CREB5: variants seen among roughly 807,000 people sequenced by gnomAD.
CREB5 encodes cyclic AMP-responsive element-binding protein 5.
Under a neutral mutation model 57.1 loss-of-function variants are expected in CREB5, and 19 were observed. The observed-to-expected ratio is 0.33, with a 90% CI of 0.23 to 0.49. CREB5 has a LOEUF of 0.49. Ranked by LOEUF, CREB5 falls within the 20% of genes least tolerant of loss-of-function variation. CREB5 has a pLI of 0.99. For synonymous variants in CREB5, 238 were observed against 238.3 expected (o/e 1.00, Z 0.01); for missense variants, 579 against 671.6 (o/e 0.86, Z 1.52).
intron 7 of CREB5, among the ~76,000 whole-genome samples, chr7:28,727,748 CT>C (rs1392192591): frequency 6.6e-6 from 1 of 152,120 alleles, no homozygotes; most frequent in Non-Finnish European, 1.5e-5. Context: ...GTGGCTACTA[CT>C]GTATAGGACT....
chr7:28,533,169 G>A (rs1423602825), intron 4 of CREB5, among the ~76,000 whole-genome samples: 12 of 152,038 alleles, frequency 7.9e-5, no homozygotes, highest in Non-Finnish European at 1.0e-4. Context: ...TCGTACCATT[G>A]CACTCCAGCC....
chr7:28,689,449 C>T (rs1022303527), intron 5 of CREB5, among the ~76,000 whole-genome samples: 1 of 152,098 alleles, frequency 6.6e-6, no homozygotes, highest in Non-Finnish European at 1.5e-5. Context: ...GCCTGGGCGA[C>T]AAAGCGAGAC....
chr7:28,531,077 G>C (rs1309555644), intron 4 of CREB5, among the ~76,000 whole-genome samples: 1 of 152,112 alleles, frequency 6.6e-6, no homozygotes, highest in Non-Finnish European at 1.5e-5. Flanking sequence ...GCGGGGAAGA[G>C]GCACAATATA....
chr7:28,420,579 G>A (rs1396004643), intron 1 of CREB5, among the ~76,000 whole-genome samples: 2 of 152,154 alleles, frequency 1.3e-5, no homozygotes, highest in Non-Finnish European at 2.9e-5. Context: ...GGCCAAGGCA[G>A]GAGGATCACT....
intron 5 of CREB5, among the ~76,000 whole-genome samples, chr7:28,600,195 C>T (rs1253693911): frequency 2.0e-5 from 3 of 152,136 alleles, no homozygotes; most frequent in African/African-American, 7.2e-5. Flanking sequence ...ACACTTACCT[C>T]TCCTTGAGCT....
At chr7:28,642,985 C>CACAT (rs1562544740) in intron 5 of CREB5, among the ~76,000 whole-genome samples, 1 of 108,584 alleles carries the variant, frequency 9.2e-6, no homozygotes, top group Non-Finnish European at 2.0e-5. Flanking sequence ...CACACACACA[C>CACAT]ATACACACAC....
At chr7:28,421,856 TCTATATATACC>T (rs143594318) in intron 1 of CREB5, among the ~76,000 whole-genome samples, 122,864 of 142,158 alleles carry the variant, frequency 0.86, 52,409 homozygotes, top group Non-Finnish European at 0.91. Flanking sequence ...ACTCTCTCTC[TCTATATATACC>T]ATATATATGG....
At chr7:28,367,836 CA>C (rs561630720) in intron 1 of CREB5, among the ~76,000 whole-genome samples, 120 of 152,138 alleles carry the variant, frequency 7.9e-4, no homozygotes, top group African/African-American at 2.9e-3. Context: ...AACAAACAAA[CA>C]AACAAAAAAC....
chr7:28,527,808 A>C (rs976907508), intron 4 of CREB5, among the ~76,000 whole-genome samples: 15 of 152,102 alleles, frequency 9.9e-5, no homozygotes, highest in African/African-American at 3.6e-4. Context: ...ACAGAGAGAG[A>C]TCCTGTCTCA....
chr7:28,631,566 G>A (rs1470237487), intron 5 of CREB5, among the ~76,000 whole-genome samples: 2 of 152,064 alleles, frequency 1.3e-5, no homozygotes, highest in African/African-American at 4.8e-5. Context: ...GGAGGGGGCG[G>A]CAGAGGGGAT....
At chr7:28,482,237 T>C (rs1791362877) in intron 1 of CREB5, among the ~76,000 whole-genome samples, 1 of 152,220 alleles carries the variant, frequency 6.6e-6, no homozygotes, top group South Asian at 2.1e-4. Context: ...GCTAGCCACA[T>C]GTGGGGATAA....
intron 1 of CREB5, among the ~76,000 whole-genome samples, chr7:28,379,140 AAAATT>A (rs1351780686): frequency 3.3e-5 from 5 of 152,246 alleles, no homozygotes; most frequent in Non-Finnish European, 5.9e-5. Context: ...GTGTGGTTGA[AAAATT>A]AAATTTATAT....
rs561544850 is a variant in CREB5 at position 28,368,307 on chromosome 7, T to G, written c.-25+68866T>G. Among the ~76,000 whole-genome samples the G allele has an allele frequency of 3.3e-5, 5 of 152,206 alleles. No homozygotes were observed. The South Asian group carries it at 8.3e-4, about 25-fold the overall frequency. ...GTACAGTATTCGGGTGACAAGTACA[T>G]GGAAAGCCCAAATTTCAACGCTATA... On this transcript the variant is annotated intron_variant, in intron 1 of 9. Coordinates refer to the CREB5 transcript ENST00000396299.
At chr7:28,378,908 C>A (rs1786901506) in intron 1 of CREB5, among the ~76,000 whole-genome samples, 1 of 152,234 alleles carries the variant, frequency 6.6e-6, no homozygotes, top group Admixed American at 6.5e-5. Context: ...TTCCCCCAAT[C>A]TTCCTGACCC....
intron 1 of CREB5, among the ~76,000 whole-genome samples, chr7:28,307,374 C>T (rs1450649765): frequency 6.6e-6 from 1 of 152,214 alleles, no homozygotes; most frequent in East Asian, 1.9e-4. Flanking sequence ...TCCCTCCCAG[C>T]ATGTGAGGAC....
At chr7:28,769,460 C>T (rs116996636) in intron 7 of CREB5, among the ~76,000 whole-genome samples, 3,627 of 152,080 alleles carry the variant, frequency 0.024, 70 homozygotes, top group Non-Finnish European at 0.041. Context: ...CCCATAAATA[C>T]GTATAATTAT....
At chr7:28,644,344 C>G (rs1221921868) in intron 5 of CREB5, among the ~76,000 whole-genome samples, 2 of 152,106 alleles carry the variant, frequency 1.3e-5, no homozygotes, top group Non-Finnish European at 2.9e-5. Flanking sequence ...CATTGCCCTT[C>G]CCTATTCCAC....
intron 4 of CREB5, among the ~76,000 whole-genome samples, chr7:28,535,293 A>G (rs1793906760): frequency 7.8e-6 from 1 of 128,790 alleles, no homozygotes; most frequent in Admixed American, 7.7e-5. Context: ...GGTTAAACCA[A>G]TTTCTTTAGG....
chr7:28,500,894 A>AC (rs1308698811), intron 3 of CREB5, among the ~76,000 whole-genome samples: 2 of 152,064 alleles, frequency 1.3e-5, no homozygotes, highest in Non-Finnish European at 2.9e-5. Flanking sequence ...GTAAAGGTAT[A>AC]TAGTAACTTC....
Sources: allele counts gnomAD v4.1 joint callset (sites outside exome capture counted in the v4.1 genomes callset), GRCh38; gene constraint gnomAD v4.1.1; transcripts MANE v1.5; gene names NCBI Gene and HGNC (gene_info 2026-07-23, HGNC 2026-07-21).